Variants in KHDC1 observed in about 807,000 individuals in gnomAD.
KHDC1 encodes the protein KH domain containing 1.
KHDC1 carries 21 observed loss-of-function variants against 24.7 expected under a neutral mutation model. The observed-to-expected ratio is 0.85, with a 90% CI of 0.60 to 1.23. KHDC1 has a LOEUF of 1.23. Ranked by LOEUF, KHDC1 falls within the 50% of genes most tolerant of loss-of-function variation. The pLI is 0.00. For synonymous variants in KHDC1, 98 were observed against 111.7 expected (o/e 0.88, Z 0.77); for missense variants, 274 against 298.5 (o/e 0.92, Z 0.61).
At chr6:73,304,220 G>T (rs1300436118) in intron 1 of KHDC1, among the ~76,000 whole-genome samples, 1 of 152,020 alleles carries the variant, frequency 6.6e-6, no homozygotes, top group Non-Finnish European at 1.5e-5. Flanking sequence ...TAGGTAAGAT[G>T]CTAACATAAG....
intron 2 of KHDC1, among the ~76,000 whole-genome samples, chr6:73,260,279 A>AG (rs1156362440): frequency 6.6e-6 from 1 of 152,214 alleles, no homozygotes; most frequent in Non-Finnish European, 1.5e-5. Context: ...ATTAAGGGGA[A>AG]GGCTCTGGGC....
intron 1 of KHDC1, among the ~76,000 whole-genome samples, chr6:73,298,272 CAGG>C (rs570489823): frequency 1.5e-3 from 227 of 152,024 alleles, no homozygotes; most frequent in African/African-American, 5.2e-3. Context: ...AGGTTTTATC[CAGG>C]ATCACATGGG....
At chr6:73,249,587 G>A (rs1422909198) in intron 2 of KHDC1, among the ~76,000 whole-genome samples, 1 of 152,058 alleles carries the variant, frequency 6.6e-6, no homozygotes, top group African/African-American at 2.4e-5. Flanking sequence ...TCTTTATTTC[G>A]TATATTCATG....
intron 2 of KHDC1, among the ~76,000 whole-genome samples, chr6:73,279,016 C>T (rs116381726): frequency 0.01 from 1,526 of 152,224 alleles, 24 homozygotes; most frequent in African/African-American, 0.035. Context: ...CTACTGAGAC[C>T]CTAGGTACAC....
At chr6:73,305,902 G>A (rs1489993281) in intron 1 of KHDC1, among the ~76,000 whole-genome samples, 2 of 152,032 alleles carry the variant, frequency 1.3e-5, no homozygotes, top group African/African-American at 4.8e-5. Context: ...CAAGTGATCT[G>A]CCCACCTTGG....
intron 2 of KHDC1, chr6:73,291,023 T>C: frequency 2.6e-6 from 1 of 383,688 alleles, no homozygotes; most frequent in Non-Finnish European, 5.1e-6. Context: ...CTGAAGAGAT[T>C]GAAAAGGAAG....
At chr6:73,259,327 G>A (rs189927171) in intron 2 of KHDC1, among the ~76,000 whole-genome samples, 250 of 119,914 alleles carry the variant, frequency 2.1e-3, no homozygotes, top group African/African-American at 8.0e-3. Context: ...TCGCTCTGTC[G>A]CCCAGGCTGG....
At chr6:73,264,501 C>T (rs1034896991) in intron 2 of KHDC1, among the ~76,000 whole-genome samples, 10 of 152,288 alleles carry the variant, frequency 6.6e-5, no homozygotes, top group African/African-American at 1.4e-4. Flanking sequence ...TGATGAAGAA[C>T]GCCTGTAGGA....
chr6:73,293,107 T>C lies in KHDC1; in HGVS notation c.164-1067A>G. The C allele has an allele frequency of 3.3e-6, 3 of 917,494 alleles. No individual in the cohort carries two copies. In the South Asian group the frequency reaches 3.9e-5, roughly 12 times the overall value. 56.8% of individuals were successfully genotyped at this position (917,494 alleles called of 1,614,324 possible). A position where few individuals can be genotyped will look rare whatever the true frequency, so the allele number is the denominator to read the frequency against. ...ATGCCAAGATTGATTCTAAATTAGG[T>C]CATGTGGTTATGGTAACAATGTACT... On this transcript the variant is annotated intron_variant, in intron 1 of 4. Coordinates refer to ENST00000370384, the Ensembl canonical transcript of KHDC1.
At chr6:73,309,671 A>G (rs981481837) in exon 1 of KHDC1, 80 of 1,550,092 alleles carry the variant, frequency 5.2e-5, no homozygotes, top group Non-Finnish European at 6.9e-5. Flanking sequence ...GACTGTTTCA[A>G]TCACAAATAA....
chr6:73,258,395 A>C (rs1766920859), intron 2 of KHDC1, among the ~76,000 whole-genome samples: 1 of 152,170 alleles, frequency 6.6e-6, no homozygotes, highest in Non-Finnish European at 1.5e-5. Flanking sequence ...GTGAGCCATG[A>C]TTATGCCACT....
At chr6:73,271,200 G>T (rs992136891) in intron 2 of KHDC1, among the ~76,000 whole-genome samples, 2 of 150,230 alleles carry the variant, frequency 1.3e-5, no homozygotes, top group Non-Finnish European at 3.0e-5. Flanking sequence ...AAATGTTTTG[G>T]TTTTTTTTTG....
At chr6:73,279,460 C>A (rs140923274) in intron 2 of KHDC1, among the ~76,000 whole-genome samples, 2 of 151,894 alleles carry the variant, frequency 1.3e-5, no homozygotes, top group Non-Finnish European at 2.9e-5. Context: ...GTATATAAAT[C>A]TCTCTATATG....
intron 2 of KHDC1, among the ~76,000 whole-genome samples, chr6:73,280,514 CT>C (rs55832102): frequency 0.04 from 4,696 of 117,368 alleles, 173 homozygotes; most frequent in African/African-American, 0.11. Context: ...TCTTTAATTT[CT>C]TTTTTTTTTT....
intron 2 of KHDC1, among the ~76,000 whole-genome samples, chr6:73,288,823 A>G (rs1767570948): frequency 6.7e-6 from 1 of 148,338 alleles, no homozygotes; most frequent in African/African-American, 2.5e-5. Flanking sequence ...AAAAAAAAAA[A>G]AGGTAATTAC....
intron 2 of KHDC1, among the ~76,000 whole-genome samples, chr6:73,285,649 C>CTT (rs539979246): frequency 5.4e-5 from 7 of 130,084 alleles, no homozygotes; most frequent in Non-Finnish European, 9.8e-5. Context: ...TCTTTTTTTT[C>CTT]TTTTTTTTTT....
chr6:73,292,647 T>A, intron 1 of KHDC1: 2 of 756,218 alleles, frequency 2.6e-6, no homozygotes, highest in South Asian at 2.7e-5. Context: ...AAGGTTGTGA[T>A]AATATTGTTG....
At chr6:73,259,136 T>C (rs1353328520) in intron 2 of KHDC1, among the ~76,000 whole-genome samples, 2 of 152,206 alleles carry the variant, frequency 1.3e-5, no homozygotes, top group Non-Finnish European at 2.9e-5. Context: ...TAAGGGAACC[T>C]GGTGGCTTAA....
At chr6:73,276,729 G>A (rs1767306502) in intron 2 of KHDC1, among the ~76,000 whole-genome samples, 1 of 152,190 alleles carries the variant, frequency 6.6e-6, no homozygotes, top group South Asian at 2.1e-4. Context: ...CTGTCCAGTA[G>A]CCTTGGCCTC....
Sources: allele counts gnomAD v4.1 joint callset (sites outside exome capture counted in the v4.1 genomes callset), GRCh38; gene constraint gnomAD v4.1.1; transcripts MANE v1.5; gene names NCBI Gene and HGNC (gene_info 2026-07-23, HGNC 2026-07-21).